ABCB7: variants seen among roughly 807,000 people sequenced by gnomAD.
The protein encoded by ABCB7 is iron-sulfur clusters transporter ABCB7, mitochondrial.
In ABCB7, 7 loss-of-function variants were observed where a neutral mutation model predicts 54.4. The observed-to-expected ratio is 0.13, with a 90% CI of 0.07 to 0.24. The LOEUF is 0.24. ABCB7 is among the 10% of genes least tolerant of loss of function. The pLI is 1.00. For missense variants in ABCB7, 356 were observed against 570.4 expected, an observed-to-expected ratio of 0.62 and a Z score of 3.83; for synonymous variants, 218 against 207.1, an observed-to-expected ratio of 1.05 and a Z score of -0.45.
intron 4 of ABCB7, among the ~76,000 whole-genome samples, chrX:75,086,280 C>T (rs2081496823): frequency 8.9e-6 from 1 of 111,844 alleles, no homozygotes; most frequent in African/African-American, 3.3e-5. Flanking sequence ...TAGCACAAAA[C>T]TGTAAAATTT....
At chrX:75,066,528 A>G (rs1602336429) in intron 12 of ABCB7, among the ~76,000 whole-genome samples, 1 of 111,182 alleles carries the variant, frequency 9.0e-6, no homozygotes, top group Admixed American at 9.6e-5. Flanking sequence ...TTTCTGCTAA[A>G]TGGGTAGATT....
At chrX:75,083,872 G>A (rs1485883747) in intron 4 of ABCB7, among the ~76,000 whole-genome samples, 4 of 111,149 alleles carry the variant, frequency 3.6e-5, no homozygotes, top group Non-Finnish European at 7.6e-5. Flanking sequence ...CCAATTTCCA[G>A]AACCTATAAA....
At chrX:75,133,339 C>A (rs1024052105) in intron 1 of ABCB7, among the ~76,000 whole-genome samples, 1 of 111,841 alleles carries the variant, frequency 8.9e-6, no homozygotes, top group African/African-American at 3.2e-5. Context: ...AGTAAACAGA[C>A]CAAATCTATG....
intron 3 of ABCB7, among the ~76,000 whole-genome samples, chrX:75,105,366 C>T (rs753282926): frequency 4.9e-4 from 54 of 111,115 alleles, no homozygotes; most frequent in African/African-American, 1.7e-3. Context: ...CATTTCTATA[C>T]ATCAATAACA....
intron 4 of ABCB7, among the ~76,000 whole-genome samples, chrX:75,084,145 C>T (rs1360556107): frequency 2.7e-5 from 3 of 111,338 alleles, no homozygotes; most frequent in African/African-American, 9.8e-5. Context: ...CAGGAAAAGG[C>T]AAGGAAATAG....
At chrX:75,103,453 C>G (rs2081656036) in intron 3 of ABCB7, among the ~76,000 whole-genome samples, 1 of 110,818 alleles carries the variant, frequency 9.0e-6, no homozygotes, top group South Asian at 3.8e-4. Context: ...TTTGGACTCC[C>G]TATTCTGCTC....
intron 4 of ABCB7, among the ~76,000 whole-genome samples, chrX:75,081,231 C>T (rs2081452973): frequency 8.9e-6 from 1 of 112,184 alleles, no homozygotes; most frequent in Admixed American, 9.5e-5. Context: ...TAGACACTAA[C>T]ATCAGGATGA....
At chrX:75,073,594 C>T (rs910732951) in intron 8 of ABCB7, 95 bp downstream of exon 8, 1 of 688,807 alleles carries the variant, frequency 1.5e-6, no homozygotes, top group Non-Finnish European at 2.3e-6. Flanking sequence ...ATATCCTAAC[C>T]TGAAGCTCTA....
intron 3 of ABCB7, among the ~76,000 whole-genome samples, chrX:75,104,936 C>CA (rs2081678669): frequency 9.0e-6 from 1 of 111,674 alleles, no homozygotes; most frequent in East Asian, 2.8e-4. Context: ...GAATTAAAAA[C>CA]AAAAACCATA....
intron 8 of ABCB7, 65 bp from the exon 9 acceptor site, chrX:75,071,748 T>C: frequency 1.2e-6 from 1 of 811,268 alleles, no homozygotes; most frequent in Non-Finnish European, 1.8e-6. Context: ...AAGTGATTAG[T>C]ATACTTTTCA....
intron 4 of ABCB7, among the ~76,000 whole-genome samples, chrX:75,080,831 T>G (rs181322816): frequency 5.3e-5 from 6 of 112,199 alleles, no homozygotes; most frequent in Non-Finnish European, 7.5e-5. Flanking sequence ...TTGGATTGTT[T>G]GTTTTTCTGC....
At chrX:75,071,395 T>C in intron 9 of ABCB7, 114 bp downstream of exon 9, 1 of 863,113 alleles carries the variant, frequency 1.2e-6, no homozygotes, top group Non-Finnish European at 1.7e-6. Context: ...ACTCCAAGGA[T>C]GTGAAAGCAC....
chrX:75,060,670 T>C (rs912959456), intron 14 of ABCB7, among the ~76,000 whole-genome samples: 1 of 111,423 alleles, frequency 9.0e-6, no homozygotes, highest in Non-Finnish European at 1.9e-5. Context: ...CCACATATAA[T>C]GTTTACCAAT....
chrX:75,122,023 G>A (rs748209378), intron 1 of ABCB7, among the ~76,000 whole-genome samples: 3 of 111,240 alleles, frequency 2.7e-5, no homozygotes, highest in East Asian at 5.7e-4. Context: ...CTTATAAAAG[G>A]GAGGGGTGAA....
intron 9 of ABCB7, among the ~76,000 whole-genome samples, chrX:75,071,296 A>G (rs1383661591): frequency 9.0e-6 from 1 of 111,446 alleles, no homozygotes. Flanking sequence ...CAGTAATCCC[A>G]ATCAGTGAGT....
intron 3 of ABCB7, among the ~76,000 whole-genome samples, chrX:75,109,382 C>T (rs1030680226): frequency 4.3e-4 from 48 of 111,354 alleles, no homozygotes; most frequent in African/African-American, 1.4e-3. Context: ...TATTTCTCGC[C>T]AGGAAAGGTC....
At chrX:75,059,417 G>A (rs971331450) in intron 15 of ABCB7, among the ~76,000 whole-genome samples, 1 of 108,365 alleles carries the variant, frequency 9.2e-6, no homozygotes, top group Non-Finnish European at 1.9e-5. Flanking sequence ...GCTGCAGTGA[G>A]CCGAGATCGC....
chrX:75,142,048 A>G (rs2082057975), intron 1 of ABCB7, among the ~76,000 whole-genome samples: 1 of 111,540 alleles, frequency 9.0e-6, no homozygotes. Flanking sequence ...AATGAGAGAG[A>G]AGGGACATCT....
chrX:75,100,584 A>G (rs897193957), intron 3 of ABCB7, among the ~76,000 whole-genome samples: 1 of 111,274 alleles, frequency 9.0e-6, no homozygotes, highest in Non-Finnish European at 1.9e-5. Context: ...GTTGACCAAC[A>G]GCTCAAATAG....
Sources: gnomAD v4.1 joint callset for allele counts (sites outside exome capture counted in the v4.1 genomes callset) on GRCh38, gnomAD v4.1.1 for gene constraint, MANE v1.5 for transcripts, NCBI Gene and HGNC (gene_info 2026-07-23, HGNC 2026-07-21) for gene names.